The following MED13 variants were observed in gnomAD, a reference collection of about 807,000 sequenced individuals.
MED13 encodes the protein mediator of RNA polymerase II transcription subunit 13.
Under a neutral mutation model 225.2 loss-of-function variants are expected in MED13, and 23 were observed. The ratio of observed to expected loss-of-function variants is 0.10; its 90% CI spans 0.07 to 0.14. The LOEUF (loss-of-function observed/expected upper bound fraction) is 0.14. MED13 is among the 10% of genes least tolerant of loss of function. The pLI, the probability that MED13 is intolerant of heterozygous loss-of-function variation, is 1.00. For synonymous variants in MED13, 942 were observed against 889.2 expected (o/e 1.06, Z -1.06); for missense variants, 2,197 against 2,594.5 (o/e 0.85, Z 3.33).
intron 8 of MED13, among the ~76,000 whole-genome samples, chr17:62,015,259 C>T (rs2080552020): frequency 6.6e-6 from 1 of 152,096 alleles, no homozygotes; most frequent in Non-Finnish European, 1.5e-5. Context: ...TTTTTTAGAG[C>T]CGCATACTGA....
chr17:62,044,527 T>C (rs573616177), intron 3 of MED13, among the ~76,000 whole-genome samples: 10 of 152,218 alleles, frequency 6.6e-5, no homozygotes, highest in Non-Finnish European at 1.5e-4. Flanking sequence ...GCTTAGAACA[T>C]ATTGAACCAA....
At position 61,945,454 on chromosome 17, in the gene MED13, A is replaced by G. The variant is rs1029608889; in HGVS notation, c.*1014T>C. The G allele has an allele frequency of 5.9e-5, 9 of 152,646 alleles. No individual in the cohort carries two copies. Among genetic ancestry groups the G allele is most frequent in the African/African-American group, 2.2e-4 (9 of 41,456 alleles). 9.5% of individuals were successfully genotyped at this position (152,646 alleles called of 1,614,324 possible). A position where few individuals can be genotyped will look rare whatever the true frequency, so the allele number is the denominator to read the frequency against. On this transcript the variant is annotated 3_prime_UTR_variant, in exon 30 of 30. Transcript: ENST00000397786. ...GAAAAAAATTTAAGCATGTAACATT[A>G]AACACTAAAATTAGTTTAAGCATTC...
intron 27 of MED13, among the ~76,000 whole-genome samples, chr17:61,952,056 G>C (rs1314411625): frequency 1.3e-5 from 2 of 151,914 alleles, no homozygotes; most frequent in African/African-American, 2.4e-5. Flanking sequence ...TGCCACACCT[G>C]GCTAAGTTTT....
chr17:62,051,647 CAAAA>C (rs773376274), intron 3 of MED13, among the ~76,000 whole-genome samples: 1 of 151,980 alleles, frequency 6.6e-6, no homozygotes, highest in Non-Finnish European at 1.5e-5. Flanking sequence ...AACAAACAAA[CAAAA>C]ACTCCAGGTG....
chr17:62,046,709 C>T (rs2080900603), intron 3 of MED13, among the ~76,000 whole-genome samples: 1 of 152,026 alleles, frequency 6.6e-6, no homozygotes, highest in African/African-American at 2.4e-5. Flanking sequence ...TGGTAGCGTG[C>T]ACCTGTGGTC....
At chr17:62,062,581 ACACACACACACACACACAC>A (rs905158136) in intron 2 of MED13, among the ~76,000 whole-genome samples, 1 of 62,524 alleles carries the variant, frequency 1.6e-5, no homozygotes, top group African/African-American at 1.1e-4. Flanking sequence ...GCCTTAAAAC[ACACACACACACACACACAC>A]CACACACACA....
intron 18 of MED13, 78 bp from the exon 19 acceptor site, chr17:61,966,729 A>C (rs1054179621): frequency 3.2e-6 from 3 of 942,006 alleles, no homozygotes; most frequent in Non-Finnish European, 4.4e-6. Flanking sequence ...CCAACCATGA[A>C]AGCTACTTAA....
chr17:61,995,700 A>T (rs1273638345), intron 9 of MED13, among the ~76,000 whole-genome samples: 1 of 152,196 alleles, frequency 6.6e-6, no homozygotes, highest in African/African-American at 2.4e-5. Context: ...GGGGCTCTTA[A>T]ATCTAAACTG....
At position 61,942,633 on chromosome 17, in the gene MED13, T is replaced by C. The variant is rs1381962785; in HGVS notation, c.*3835A>G. ...AGGCTTCATGAATAATTTATTCCAT[T>C]TGAAGTTTTGTTTTTTGTTTTTGTT... On this transcript the variant is annotated 3_prime_UTR_variant, in exon 30 of 30. Transcript: ENST00000397786. The C allele has an allele frequency of 6.6e-6, 1 of 152,384 alleles. No individual in the cohort carries two copies. The highest frequency in any genetic ancestry group is 1.5e-5 in the Non-Finnish European group (1 of 67,942). The allele number at this position is 152,384 out of a possible 1,614,324, so 9.4% of individuals were successfully genotyped here.
Position 62,010,621 on chromosome 17 carries a change from T to A in MED13, c.1896A>T (p.Gln632His). The A allele has an allele frequency of 6.7e-7, 1 of 1,493,938 alleles. No homozygotes were observed. The highest frequency in any genetic ancestry group is 8.9e-7 in the Non-Finnish European group (1 of 1,120,988). 92.5% of individuals were successfully genotyped at this position (1,493,938 alleles called of 1,614,324 possible). The change falls in exon 9 of 30, where the codon CAA (glutamine) becomes CAT (histidine). Residue 632 changes from glutamine (Q) to histidine (H), a missense_variant. Transcript: ENST00000397786. Reference sequence around the variant, plus strand: ...CATCCTTGAATTTATCACTTGGAAGTTGAGGTGGTAAAAACTCTACATCTT... The same window carrying A: ...CATCCTTGAATTTATCACTTGGAAGATGAGGTGGTAAAAACTCTACATCTT... Reference protein sequence around the residue: ...KKKDVEFLPPQLPSDKFKDDP... With the variant: ...KKKDVEFLPPHLPSDKFKDDP...
At chr17:61,977,732 G>C (rs2080169420) in intron 16 of MED13, among the ~76,000 whole-genome samples, 1 of 152,162 alleles carries the variant, frequency 6.6e-6, no homozygotes, top group African/African-American at 2.4e-5. Flanking sequence ...ACAGGCATGA[G>C]CCACCGTGCC....
intron 16 of MED13, among the ~76,000 whole-genome samples, chr17:61,981,624 T>C (rs925953540): frequency 7.2e-5 from 11 of 152,194 alleles, no homozygotes; most frequent in African/African-American, 2.7e-4. Context: ...ATAGCTCATA[T>C]TCTATGTTAT....
At chr17:62,016,225 T>G (rs1443523905) in intron 8 of MED13, among the ~76,000 whole-genome samples, 4 of 147,976 alleles carry the variant, frequency 2.7e-5, no homozygotes, top group Non-Finnish European at 6.0e-5. Context: ...AATAATCCCT[T>G]CTCTTTTTTT....
At chr17:61,981,246 T>C (rs569169990) in intron 16 of MED13, among the ~76,000 whole-genome samples, 1 of 152,024 alleles carries the variant, frequency 6.6e-6, no homozygotes, top group African/African-American at 2.4e-5. Context: ...GGTCTCGAAC[T>C]CCTGACCTCA....
chr17:62,029,772 CTG>C (rs1306489964), intron 7 of MED13, 77 bp downstream of exon 7: 61 of 1,512,504 alleles, frequency 4.0e-5, no homozygotes, highest in Non-Finnish European at 5.5e-5. Context: ...AAACAAATGA[CTG>C]TTTATACTTT....
chr17:61,986,873 A>G, intron 12 of MED13, 134 bp downstream of exon 12: 1 of 462,308 alleles, frequency 2.2e-6, no homozygotes, highest in Non-Finnish European at 3.6e-6. Context: ...AAATCAATGA[A>G]TGAGGTTTTA....
At chr17:62,065,091 C>A in intron 1 of MED13, 49 bp downstream of exon 1, 1 of 1,484,880 alleles carries the variant, frequency 6.7e-7, no homozygotes, top group Non-Finnish European at 9.0e-7. Context: ...GGCCCAAGGG[C>A]GCACCTCGCG....
At chr17:61,966,995 A>T (rs991165532) in intron 18 of MED13, among the ~76,000 whole-genome samples, 1 of 152,210 alleles carries the variant, frequency 6.6e-6, no homozygotes, top group Non-Finnish European at 1.5e-5. Context: ...ATAAAAATGC[A>T]GTCATTTTAG....
chr17:62,014,596 C>A lies in MED13; in HGVS notation c.1284-3363G>T, dbSNP rs138787104. Among the ~76,000 whole-genome samples, 563 of 152,172 alleles carry A rather than the reference C, an allele frequency of 3.7e-3. 2 individuals carry two copies. Among genetic ancestry groups the A allele is most frequent in the African/African-American group, 0.012 (511 of 41,496 alleles). On this transcript the variant is annotated intron_variant, in intron 8 of 29. Transcript: ENST00000397786. The stretch of plus-strand genomic sequence containing the variant: ...CCTCCCAAAATGCTGGGATTACAGG[C>A]ATTAGCCACTGCACCCAGCCTGTAT...
Sources: allele counts gnomAD v4.1 joint callset (sites outside exome capture counted in the v4.1 genomes callset), GRCh38; gene constraint gnomAD v4.1.1; transcripts MANE v1.5; gene names NCBI Gene and HGNC (gene_info 2026-07-23, HGNC 2026-07-21).